The following CHEK2 variants were observed in gnomAD, a reference collection of about 807,000 sequenced individuals.
CHEK2 encodes the protein checkpoint kinase 2, also known as serine/threonine-protein kinase Chk2.
CHEK2 carries 71 observed loss-of-function variants against 69.1 expected under a neutral mutation model. That is an observed-to-expected ratio of 1.03 (90% CI 0.85 to 1.25). The LOEUF (loss-of-function observed/expected upper bound fraction) is 1.25. CHEK2 is among the 50% of genes most tolerant of loss of function. CHEK2 has a pLI of 0.00. For missense variants in CHEK2, 664 were observed against 649.6 expected (o/e 1.02, Z -0.24); for synonymous variants, 189 against 226.9 (o/e 0.83, Z 1.50).
intron 1 of CHEK2, 64 bp from the exon 2 acceptor site, chr22:28,734,791 T>C: frequency 7.8e-7 from 1 of 1,274,618 alleles, no homozygotes; most frequent in Non-Finnish European, 1.1e-6. Flanking sequence ...AATTAAAAAG[T>C]AAATGATGGG....
chr22:28,708,578 C>G (rs1012197403), intron 7 of CHEK2, among the ~76,000 whole-genome samples: 13 of 152,032 alleles, frequency 8.6e-5, no homozygotes, highest in African/African-American at 3.1e-4. Context: ...GTGTCAACAA[C>G]AGTAATTGCT....
chr22:28,716,726 G>A (rs1014658679), intron 5 of CHEK2, among the ~76,000 whole-genome samples: 9 of 152,136 alleles, frequency 5.9e-5, no homozygotes, highest in African/African-American at 2.2e-4. Context: ...AGACAGGAAG[G>A]GGGATGAAGA....
In CHEK2 at chr22:28,719,577, G is replaced by A. The variant is rs2053701564; in HGVS notation, c.593-92C>T. 5 of 761,044 alleles carry A rather than the reference G, an allele frequency of 6.6e-6. No homozygotes were observed. In the South Asian group the frequency reaches 7.8e-5, roughly 12 times the overall value. The allele number at this position is 761,044 out of a possible 1,614,324, so 47.1% of individuals were successfully genotyped here. The stretch of plus-strand genomic sequence containing the variant: ...AATTTATTCATCATATGGAATATAA[G>A]AACTGTTTTTAACTACATTTAACAT... On this transcript the variant is annotated intron_variant, in intron 4 of 14. Transcript: ENST00000404276.
At chr22:28,725,753 T>TA (rs1294675054) in intron 2 of CHEK2, among the ~76,000 whole-genome samples, 1 of 151,584 alleles carries the variant, frequency 6.6e-6, no homozygotes, top group Non-Finnish European at 1.5e-5. Context: ...CTACAAAAAA[T>TA]AAAAAATCAG....
intron 12 of CHEK2, among the ~76,000 whole-genome samples, chr22:28,694,493 G>A (rs6005837): frequency 6.6e-6 from 1 of 152,022 alleles, no homozygotes; most frequent in Non-Finnish European, 1.5e-5. Context: ...GTTACTCAGC[G>A]AGGGAGAGGC....
At chr22:28,691,626 A>T (rs1311804035) in intron 13 of CHEK2, among the ~76,000 whole-genome samples, 1 of 126,906 alleles carries the variant, frequency 7.9e-6, no homozygotes, top group African/African-American at 2.9e-5. Context: ...AGGCCAGGAG[A>T]TCAAGGCTGC....
chr22:28,716,501 C>T (rs777293729), intron 5 of CHEK2, among the ~76,000 whole-genome samples: 1 of 151,962 alleles, frequency 6.6e-6, no homozygotes, highest in Non-Finnish European at 1.5e-5. Context: ...CCAGCCCATA[C>T]ATTTCTTAAG....
chr22:28,734,327 C>T (rs1315897066), intron 2 of CHEK2, 76 bp downstream of exon 2: 1 of 1,442,260 alleles, frequency 6.9e-7, no homozygotes, highest in South Asian at 1.2e-5. Context: ...CCAATCAGAA[C>T]CTTCCACCTG....
chr22:28,702,151 G>C (rs979161382), intron 8 of CHEK2, among the ~76,000 whole-genome samples: 1 of 150,796 alleles, frequency 6.6e-6, no homozygotes, highest in Non-Finnish European at 1.5e-5. Context: ...GTGTGTGTGT[G>C]TGTGTGTGTG....
intron 6 of CHEK2, among the ~76,000 whole-genome samples, chr22:28,710,400 A>T (rs1392572047): frequency 6.6e-6 from 1 of 152,228 alleles, no homozygotes. Flanking sequence ...CACAGTCAGA[A>T]ACAAGTGTGT....
At chr22:28,722,085 A>G (rs896785280) in intron 4 of CHEK2, among the ~76,000 whole-genome samples, 8 of 151,936 alleles carry the variant, frequency 5.3e-5, no homozygotes, top group Non-Finnish European at 7.4e-5. Flanking sequence ...AATTTTTTTA[A>G]AAGAGGAAGA....
chr22:28,703,250 T>C (rs1190539273), intron 8 of CHEK2, among the ~76,000 whole-genome samples: 1 of 152,218 alleles, frequency 6.6e-6, no homozygotes, highest in East Asian at 1.9e-4. Flanking sequence ...GGTGGTCAGC[T>C]AGTCAACTGC....
intron 5 of CHEK2, among the ~76,000 whole-genome samples, chr22:28,713,403 A>C (rs1376552213): frequency 1.3e-5 from 2 of 149,032 alleles, no homozygotes; most frequent in African/African-American, 2.5e-5. Context: ...TCAGTCGCCC[A>C]GGCTGGAGTG....
rs559175098 is a variant in CHEK2, at chr22:28,703,371, C to T, written c.908+134G>A. 2.3e-5 allele frequency: 15 copies of T among 639,958 alleles called. No homozygotes were observed. In the East Asian group the frequency reaches 4.2e-4, roughly 18 times the overall value. The allele number at this position is 639,958 out of a possible 1,614,324, so 39.6% of individuals were successfully genotyped here. ...TTGATATTAACCCCCTATACACAGACTTTGTGGGCCCCACTACTACATACA... is the reference window on the plus strand; with the variant it reads ...TTGATATTAACCCCCTATACACAGATTTTGTGGGCCCCACTACTACATACA... On this transcript the variant is annotated intron_variant, in intron 8 of 14. Transcript: ENST00000404276.
At chr22:28,715,124 G>C (rs1321915084) in intron 5 of CHEK2, among the ~76,000 whole-genome samples, 3 of 152,160 alleles carry the variant, frequency 2.0e-5, no homozygotes, top group African/African-American at 4.8e-5. Flanking sequence ...TGCTGACATT[G>C]GGAGACAGAC....
chr22:28,718,883 A>AACACACACACACAC (rs144577000), intron 5 of CHEK2, among the ~76,000 whole-genome samples: 141 of 140,546 alleles, frequency 1.0e-3, no homozygotes, highest in Non-Finnish European at 1.6e-3. Flanking sequence ...CTCTGACACT[A>AACACACACACACAC]ACACACACAC....
At chr22:28,734,261 C>T in intron 2 of CHEK2, 142 bp downstream of exon 2, 1 of 752,784 alleles carries the variant, frequency 1.3e-6, no homozygotes. Flanking sequence ...GCTTTCATTG[C>T]TTGTTCATGC....
intron 2 of CHEK2, among the ~76,000 whole-genome samples, chr22:28,726,817 C>T (rs181895338): frequency 6.2e-5 from 9 of 144,110 alleles, no homozygotes; most frequent in East Asian, 2.0e-4. Flanking sequence ...CAGGGTCTGG[C>T]GTCTGCCACC....
In CHEK2 at chr22:28,725,247, A is replaced by G. The variant is rs2053955871; in HGVS notation, c.440T>C (p.Phe147Ser). The change falls in exon 3 of 15, where the codon TTC (phenylalanine) becomes TCC (serine). Residue 147 changes from phenylalanine to serine, a missense_variant. Coordinates refer to ENST00000404276, the MANE Select transcript of CHEK2 (RefSeq NM_007194.4). ...ACATGGGTATTCATTACCTACCCTG[A>G]AAATCCGAAAGTGTTTCTTGCTGTA... Reference protein sequence around the residue: ...RTYSKKHFRIFREVGPKNSYI... With the variant: ...RTYSKKHFRISREVGPKNSYI... 6.2e-7 allele frequency: 1 copy of G among 1,614,006 alleles called. No individual in the cohort carries two copies. The highest frequency in any genetic ancestry group is 1.3e-5 in the African/African-American group (1 of 74,930).
Sources: gnomAD v4.1 joint callset for allele counts (sites outside exome capture counted in the v4.1 genomes callset) on GRCh38, gnomAD v4.1.1 for gene constraint, MANE v1.5 for transcripts, NCBI Gene and HGNC (gene_info 2026-07-23, HGNC 2026-07-21) for gene names.